RASAL2: variants seen among roughly 807,000 people sequenced by gnomAD.
RASAL2 encodes ras GTPase-activating protein nGAP.
In RASAL2, 58 loss-of-function variants were observed where a neutral mutation model predicts 128.9. The observed-to-expected ratio is 0.45, with a 90% CI of 0.36 to 0.56. The LOEUF (loss-of-function observed/expected upper bound fraction) is 0.56, where lower values mean the gene tolerates loss of function less well. RASAL2 is among the 20% of genes least tolerant of loss of function. The pLI, the probability that RASAL2 is intolerant of heterozygous loss-of-function variation, is 0.00. For synonymous variants in RASAL2, 561 were observed against 580.8 expected (o/e 0.97, Z 0.49); for missense variants, 1,360 against 1,601.6 (o/e 0.85, Z 2.57).
At chr1:178,113,976 G>A (rs1292743643) in intron 1 of RASAL2, among the ~76,000 whole-genome samples, 2 of 151,584 alleles carry the variant, frequency 1.3e-5, no homozygotes, top group Non-Finnish European at 2.9e-5. Flanking sequence ...CCAATTATTT[G>A]TTGCTAGTAT....
chr1:178,314,587 C>CTT (rs1668409938), intron 3 of RASAL2, among the ~76,000 whole-genome samples: 1 of 138,830 alleles, frequency 7.2e-6, no homozygotes, highest in African/African-American at 3.4e-5. Context: ...TTCTTTATCT[C>CTT]TTTTTCCCCC....
intron 1 of RASAL2, among the ~76,000 whole-genome samples, chr1:178,152,711 A>G (rs988195386): frequency 6.6e-6 from 1 of 152,206 alleles, no homozygotes; most frequent in African/African-American, 2.4e-5. Context: ...TTTCGGTAGA[A>G]AATTTTATAC....
intron 3 of RASAL2, among the ~76,000 whole-genome samples, chr1:178,316,713 G>A (rs1571843467): frequency 1.2e-5 from 1 of 82,932 alleles, no homozygotes; most frequent in Non-Finnish European, 2.1e-5. Context: ...GGGTTTTCTA[G>A]ATATACAATC....
chr1:178,355,420 G>T (rs1670748954), intron 3 of RASAL2, among the ~76,000 whole-genome samples: 1 of 152,134 alleles, frequency 6.6e-6, no homozygotes, highest in Non-Finnish European at 1.5e-5. Context: ...CTCATCTGGA[G>T]ATCCATATGG....
intron 6 of RASAL2, among the ~76,000 whole-genome samples, chr1:178,439,954 G>GT (rs1435336737): frequency 7.5e-6 from 1 of 132,746 alleles, no homozygotes; most frequent in African/African-American, 3.5e-5. Context: ...CTGAGACCAT[G>GT]TTTTTCTTAT....
Position 178,452,624 on chromosome 1 carries a change from G to A in RASAL2, c.1981G>A (p.Val661Ile). Residue 661 changes from valine to isoleucine, a missense_variant, in exon 11 of 18, where the codon GTC (valine) becomes ATC (isoleucine). Around this residue, in one of 3 missense-constraint regions of RASAL2, gnomAD observed 741 missense variants for 868.6 expected, o/e 0.85. Coordinates refer to ENST00000367649, the MANE Select transcript of RASAL2 (RefSeq NM_170692.4). Reference sequence around the variant, plus strand: ...TCGGACTCTAACTCTTATTGCCAAGGTCATTCAGAACCTGGCCAACTTTGC... The same window carrying A: ...TCGGACTCTAACTCTTATTGCCAAGATCATTCAGAACCTGGCCAACTTTGC... ...TSRTLTLIAK[V>I]IQNLANFAKF... 6.2e-7 allele frequency: 1 copy of A among 1,613,776 alleles called. No homozygotes were observed. The highest frequency in any genetic ancestry group is 1.7e-5 in the Admixed American group (1 of 60,004).
intron 3 of RASAL2, among the ~76,000 whole-genome samples, chr1:178,373,446 C>A (rs1344776354): frequency 6.6e-6 from 1 of 151,686 alleles, no homozygotes; most frequent in African/African-American, 2.4e-5. Context: ...TTCTCTGAAG[C>A]CTATCTCATT....
chr1:178,231,765 C>T (rs577567359), intron 1 of RASAL2, among the ~76,000 whole-genome samples: 1 of 152,102 alleles, frequency 6.6e-6, no homozygotes, highest in South Asian at 2.1e-4. Flanking sequence ...TTGTTCCTTT[C>T]CTTGTGCAAA....
intron 6 of RASAL2, among the ~76,000 whole-genome samples, chr1:178,440,858 A>G (rs1179675883): frequency 6.6e-6 from 1 of 152,162 alleles, no homozygotes; most frequent in East Asian, 1.9e-4. Flanking sequence ...GTAACTCTTC[A>G]ATTTCATTTA....
intron 4 of RASAL2, among the ~76,000 whole-genome samples, chr1:178,394,793 C>CT (rs1673116428): frequency 1.3e-5 from 2 of 152,148 alleles, no homozygotes; most frequent in African/African-American, 4.8e-5. Context: ...GTAACTCTCC[C>CT]TGTGCTCTTG....
intron 2 of RASAL2, among the ~76,000 whole-genome samples, chr1:178,291,216 A>G (rs922853023): frequency 6.6e-6 from 1 of 152,228 alleles, no homozygotes; most frequent in Admixed American, 6.5e-5. Context: ...AAAAATATTC[A>G]GAGTTCATGG....
intron 17 of RASAL2, among the ~76,000 whole-genome samples, chr1:178,470,921 A>G (rs1036323515): frequency 3.4e-4 from 52 of 152,226 alleles, no homozygotes; most frequent in African/African-American, 1.1e-3. Context: ...CTTGACTTTC[A>G]TAAGTCTCTA....
At chr1:178,314,488 G>T (rs74801244) in intron 3 of RASAL2, among the ~76,000 whole-genome samples, 5,432 of 152,186 alleles carry the variant, frequency 0.036, 115 homozygotes, top group Middle Eastern at 0.092. Flanking sequence ...GATCTACAGG[G>T]TTATTGGACA....
At chr1:178,402,941 C>T (rs1187553834) in intron 4 of RASAL2, among the ~76,000 whole-genome samples, 2 of 152,146 alleles carry the variant, frequency 1.3e-5, no homozygotes, top group South Asian at 2.1e-4. Flanking sequence ...GAGAGACTGT[C>T]CAATAGGCTA....
At chr1:178,196,485 A>G (rs7415740) in intron 1 of RASAL2, among the ~76,000 whole-genome samples, 7,472 of 152,296 alleles carry the variant, frequency 0.049, 268 homozygotes, top group African/African-American at 0.1. Flanking sequence ...GATTGAAAAT[A>G]TTAGGGGAAA....
intron 1 of RASAL2, among the ~76,000 whole-genome samples, chr1:178,163,946 T>A (rs550381732): frequency 6.6e-6 from 1 of 152,328 alleles, no homozygotes; most frequent in South Asian, 2.1e-4. Context: ...TTACACTGTT[T>A]AGTAGTCTTC....
chr1:178,119,185 G>C (rs1325044661), intron 1 of RASAL2, among the ~76,000 whole-genome samples: 1 of 152,206 alleles, frequency 6.6e-6, no homozygotes, highest in East Asian at 1.9e-4. Context: ...CAAGTTTTGT[G>C]ACCCATTGTG....
intron 3 of RASAL2, among the ~76,000 whole-genome samples, chr1:178,354,212 AAGTT>A (rs1172193125): frequency 6.6e-6 from 1 of 152,218 alleles, no homozygotes; most frequent in Non-Finnish European, 1.5e-5. Flanking sequence ...TAATATTAGA[AAGTT>A]AGAATAGTTT....
chr1:178,315,450 TGTC>T (rs1360877261), intron 3 of RASAL2, among the ~76,000 whole-genome samples: 1 of 144,832 alleles, frequency 6.9e-6, no homozygotes, highest in African/African-American at 2.8e-5. Flanking sequence ...CTCCAGCACC[TGTC>T]GTTTCCTGAC....
Sources: gnomAD v4.1 joint callset for allele counts (sites outside exome capture counted in the v4.1 genomes callset) on GRCh38, gnomAD v4.1.1 for gene constraint, gnomAD v4.1.1 regional missense constraint, MANE v1.5 for transcripts, NCBI Gene and HGNC (gene_info 2026-07-23, HGNC 2026-07-21) for gene names.